The following CCT4 variants were observed in gnomAD, a reference collection of about 807,000 sequenced individuals.
CCT4 encodes the protein T-complex protein 1 subunit delta.
Under a neutral mutation model 62.5 loss-of-function variants are expected in CCT4, and 17 were observed. The observed-to-expected ratio is 0.27, with a 90% confidence interval of 0.19 to 0.41. The LOEUF is 0.41. Ranked by LOEUF, CCT4 falls within the 10% of genes least tolerant of loss-of-function variation. The pLI is 1.00. For missense variants in CCT4, 592 were observed against 659.2 expected (o/e 0.90, Z 1.12); for synonymous variants, 250 against 229.9 (o/e 1.09, Z -0.79).
chr2:61,876,799 C>G, intron 7 of CCT4, 121 bp downstream of exon 7: 1 of 792,246 alleles, frequency 1.3e-6, no homozygotes, highest in Non-Finnish European at 1.9e-6. Flanking sequence ...TGTCTCAATT[C>G]TAGTAAGTCT....
intron 8 of CCT4, among the ~76,000 whole-genome samples, chr2:61,874,915 C>A (rs1339892663): frequency 1.3e-5 from 2 of 152,106 alleles, no homozygotes; most frequent in Non-Finnish European, 2.9e-5. Flanking sequence ...GAGGCCAAGG[C>A]TGGCGGATCA....
intron 1 of CCT4, 39 bp from the exon 2 acceptor site, chr2:61,885,111 C>CAT: frequency 8.2e-7 from 1 of 1,224,892 alleles, no homozygotes; most frequent in East Asian, 3.1e-5. Context: ...CAAATTAGAA[C>CAT]TTTTTTTTTT....
rs1023280948 is a variant in CCT4 at position 61,868,675 on chromosome 2, C to A, written c.*17G>T. On this transcript the variant is annotated 3_prime_UTR_variant, in exon 14 of 14. Coordinates refer to ENST00000394440, the MANE Select transcript of CCT4 (RefSeq NM_006430.4). The stretch of plus-strand genomic sequence containing the variant: ...CACAATACTGGTGATCATAATGGTG[C>A]TAGTCAGTTATCCAGATTATCGAGT... 1.3e-6 allele frequency: 2 copies of A among 1,577,672 alleles called. No individual in the cohort carries two copies. The highest frequency in any genetic ancestry group is 2.7e-5 in the African/African-American group (2 of 74,160).
intron 4 of CCT4, 53 bp downstream of exon 4, chr2:61,880,233 A>C: frequency 1.3e-6 from 1 of 786,382 alleles, no homozygotes; most frequent in East Asian, 3.1e-5. Context: ...GCTTTTCCTA[A>C]AGTTTGTTTT....
chr2:61,877,631 G>T, intron 5 of CCT4, 117 bp from the exon 6 acceptor site: 1 of 713,898 alleles, frequency 1.4e-6, no homozygotes. Flanking sequence ...GTGTGGGTAT[G>T]AAGAGGGAAA....
intron 1 of CCT4, chr2:61,887,802 T>C (rs1669293254): frequency 6.6e-6 from 1 of 152,234 alleles, no homozygotes. Context: ...GATTTGCCTA[T>C]GTTTCACTGC....
chr2:61,870,777 C>G (rs1344057113), intron 12 of CCT4, among the ~76,000 whole-genome samples: 1 of 152,006 alleles, frequency 6.6e-6, no homozygotes, highest in Non-Finnish European at 1.5e-5. Flanking sequence ...AAAAAATTAG[C>G]CCGGCCTGGT....
intron 1 of CCT4, among the ~76,000 whole-genome samples, chr2:61,885,460 G>C (rs1669229362): frequency 6.6e-6 from 1 of 152,124 alleles, no homozygotes; most frequent in Admixed American, 6.6e-5. Flanking sequence ...CACAAGGCTA[G>C]AGTGCAGTGA....
intron 3 of CCT4, among the ~76,000 whole-genome samples, chr2:61,881,895 C>T (rs1366691412): frequency 6.7e-6 from 1 of 150,060 alleles, no homozygotes; most frequent in Non-Finnish European, 1.5e-5. Context: ...TTTTAAAAGC[C>T]ATCTTTACAC....
chr2:61,874,113 A>C (rs1284417213), intron 8 of CCT4, among the ~76,000 whole-genome samples: 1 of 152,208 alleles, frequency 6.6e-6, no homozygotes, highest in African/African-American at 2.4e-5. Flanking sequence ...TGAACTGTGA[A>C]TAACAACTCT....
At chr2:61,874,395 C>A (rs1299729991) in intron 8 of CCT4, among the ~76,000 whole-genome samples, 1 of 151,532 alleles carries the variant, frequency 6.6e-6, no homozygotes, top group Non-Finnish European at 1.5e-5. Flanking sequence ...CAAGGGGGGG[C>A]AGACCACGAG....
rs1669025412 is a variant in CCT4, at chr2:61,877,433, T to C, written c.604A>G (p.Ser202Gly). ...ATTTTAATATCTCTAAGATCTACAC[T>C]GGTGGCTGTGGCTGGGTCAATCACT... The part of the protein sequence containing the change: ...MKVIDPATAT[S>G]VDLRDIKIVK... Residue 202 changes from serine (S) to glycine (G), a missense_variant, in exon 6 of 14, where the codon AGT becomes GGT. Physicochemically the swap from Ser to Gly is moderately conservative, Grantham distance 56. Around this residue, in one of 3 missense-constraint regions of CCT4, gnomAD observed 522 missense variants for 571.2 expected, o/e 0.91. Coordinates refer to ENST00000394440, the MANE Select transcript of CCT4 (RefSeq NM_006430.4). 6.2e-7 allele frequency: 1 copy of C among 1,612,010 alleles called. No homozygotes were observed. Among genetic ancestry groups the C allele is most frequent in the Non-Finnish European group, 8.5e-7 (1 of 1,178,508 alleles).
intron 1 of CCT4, 113 bp from the exon 2 acceptor site, chr2:61,885,185 T>A (rs1669223551): frequency 1.5e-6 from 1 of 651,616 alleles, no homozygotes; most frequent in Admixed American, 4.1e-5. Flanking sequence ...CAAGCAACCC[T>A]CCCACCTCAG....
chr2:61,871,707 TAC>T (rs1036466018), intron 12 of CCT4, among the ~76,000 whole-genome samples: 11 of 152,376 alleles, frequency 7.2e-5, no homozygotes, highest in Non-Finnish European at 1.3e-4. Context: ...TGATTTTTTA[TAC>T]AGTCTTTAGT....
At chr2:61,873,437 G>A in intron 8 of CCT4, 144 bp from the exon 9 acceptor site, 1 of 573,008 alleles carries the variant, frequency 1.7e-6, no homozygotes, top group Non-Finnish European at 3.1e-6. Flanking sequence ...AGTTCGTAAG[G>A]TCAAAATTAA....
chr2:61,888,319 C>A, intron 1 of CCT4, 62 bp downstream of exon 1: 1 of 1,565,542 alleles, frequency 6.4e-7, no homozygotes, highest in Non-Finnish European at 8.7e-7. Flanking sequence ...CCCGCTCAAG[C>A]CCACGATGAG....
intron 13 of CCT4, among the ~76,000 whole-genome samples, chr2:61,869,143 G>GAAA (rs33947847): frequency 6.4e-4 from 45 of 70,714 alleles, no homozygotes; most frequent in Non-Finnish European, 9.6e-4. Context: ...CTTCGTCTCA[G>GAAA]AAAAAAAAAA....
chr2:61,871,440 C>T (rs1415585925), intron 12 of CCT4, among the ~76,000 whole-genome samples: 1 of 152,144 alleles, frequency 6.6e-6, no homozygotes, highest in Non-Finnish European at 1.5e-5. Context: ...TGGTCCTTCT[C>T]ACCTGTAAAA....
chr2:61,879,327 T>C (rs1194783524), intron 4 of CCT4, among the ~76,000 whole-genome samples: 2 of 145,908 alleles, frequency 1.4e-5, no homozygotes, highest in Non-Finnish European at 3.0e-5. Flanking sequence ...AGCGCCCTGA[T>C]CTCAGCTCAC....
Sources: allele counts gnomAD v4.1 joint callset (sites outside exome capture counted in the v4.1 genomes callset), GRCh38; gene constraint gnomAD v4.1.1; regional missense constraint gnomAD v4.1.1; transcripts MANE v1.5; gene names NCBI Gene and HGNC (gene_info 2026-07-23, HGNC 2026-07-21).